The following XRCC4 variants were observed in gnomAD, a reference collection of about 807,000 sequenced individuals.
XRCC4 encodes the protein DNA repair protein XRCC4.
A neutral mutation model predicts 39.1 loss-of-function variants in XRCC4; 28 were observed. That is an observed-to-expected ratio of 0.72 (90% CI 0.53 to 0.98). The LOEUF (loss-of-function observed/expected upper bound fraction) is 0.98. XRCC4 is among the 50% of genes least tolerant of loss of function. The pLI is 0.00. For synonymous variants in XRCC4, 123 were observed against 126.4 expected (o/e 0.97, Z 0.18); for missense variants, 350 against 376.4 (o/e 0.93, Z 0.58).
At chr5:83,110,982 A>C (rs1351397772) in intron 2 of XRCC4, 46 bp from the exon 3 acceptor site, 1 of 1,530,232 alleles carries the variant, frequency 6.5e-7, no homozygotes, top group East Asian at 2.4e-5. Context: ...TCTCATGTGT[A>C]GTCATTTACT....
chr5:83,364,715 C>T, the XRCC4 span, among the ~76,000 whole-genome samples: 4 of 152,206 alleles, frequency 2.6e-5, no homozygotes, highest in African/African-American at 4.8e-5. Context: ...AAGAAAAACA[C>T]GGTTGAGTCT....
At chr5:83,254,852 C>T (rs1753470089) in intron 6 of XRCC4, among the ~76,000 whole-genome samples, 1 of 151,984 alleles carries the variant, frequency 6.6e-6, no homozygotes, top group Non-Finnish European at 1.5e-5. Context: ...TTTGGGAGGC[C>T]GAGGTGGGTA....
intron 7 of XRCC4, among the ~76,000 whole-genome samples, chr5:83,343,663 T>G (rs1024395420): frequency 6.6e-6 from 1 of 152,068 alleles, no homozygotes; most frequent in Non-Finnish European, 1.5e-5. Context: ...AGTCGTTCCT[T>G]TTTTGACTCA....
At chr5:83,181,273 T>C (rs563840673) in intron 3 of XRCC4, among the ~76,000 whole-genome samples, 3 of 152,256 alleles carry the variant, frequency 2.0e-5, no homozygotes, top group African/African-American at 7.2e-5. Flanking sequence ...TGTACTAATA[T>C]TGAGTATTTT....
chr5:83,113,884 C>T (rs138006852), intron 3 of XRCC4, among the ~76,000 whole-genome samples: 3 of 152,172 alleles, frequency 2.0e-5, no homozygotes, highest in African/African-American at 7.2e-5. Context: ...CCTCAGCCCC[C>T]CAAAGTGCTG....
At chr5:83,126,037 T>A (rs1220027338) in intron 3 of XRCC4, among the ~76,000 whole-genome samples, 2 of 151,646 alleles carry the variant, frequency 1.3e-5, no homozygotes, top group African/African-American at 4.8e-5. Flanking sequence ...TCCAACTTTA[T>A]TCTTTTGAAA....
intron 1 of XRCC4, among the ~76,000 whole-genome samples, chr5:83,081,355 C>T (rs1744933202): frequency 6.6e-6 from 1 of 152,160 alleles, no homozygotes; most frequent in Non-Finnish European, 1.5e-5. Flanking sequence ...CAGCTAGCCT[C>T]CCTAACCTCA....
the XRCC4 span, among the ~76,000 whole-genome samples, chr5:83,373,532 T>C: frequency 6.6e-6 from 1 of 152,206 alleles, no homozygotes; most frequent in Non-Finnish European, 1.5e-5. Flanking sequence ...ACTGAAATAC[T>C]TTCTAAAGTG....
At chr5:83,373,262 CGA>C in the XRCC4 span, among the ~76,000 whole-genome samples, 1 of 152,058 alleles carries the variant, frequency 6.6e-6, no homozygotes, top group Non-Finnish European at 1.5e-5. Flanking sequence ...CCTCATTTGT[CGA>C]GGTCCTTAGC....
At chr5:83,107,216 G>C (rs1246460446) in intron 2 of XRCC4, among the ~76,000 whole-genome samples, 1 of 151,840 alleles carries the variant, frequency 6.6e-6, no homozygotes, top group Non-Finnish European at 1.5e-5. Flanking sequence ...ACATATCAGG[G>C]ACAAAATAGG....
chr5:83,328,961 A>AG (rs767121776), intron 7 of XRCC4, among the ~76,000 whole-genome samples: 83 of 152,172 alleles, frequency 5.5e-4, no homozygotes, highest in African/African-American at 1.6e-3. Context: ...TTTCAGAGGT[A>AG]GGGTCTCATT....
chr5:83,326,844 C>G (rs1756278241), intron 7 of XRCC4, among the ~76,000 whole-genome samples: 3 of 152,054 alleles, frequency 2.0e-5, no homozygotes, highest in African/African-American at 7.2e-5. Flanking sequence ...ATTGCTTGTC[C>G]CCATTCCCAG....
At chr5:83,354,103 AC>A (rs1757161727), downstream of XRCC4, among the ~76,000 whole-genome samples, 1 of 152,204 alleles carries the variant, frequency 6.6e-6, no homozygotes, top group Non-Finnish European at 1.5e-5. Context: ...GTTAACCATG[AC>A]CACCATGTTG....
At position 83,274,976 on chromosome 5, in the gene XRCC4, A is replaced by T. The variant is rs1754273764; in HGVS notation, c.893+16299A>T. 2.0e-5 allele frequency among the ~76,000 whole-genome samples: 3 copies of T among 152,284 alleles called. 1 individual carries two copies. In the South Asian group the frequency reaches 6.2e-4, roughly 32 times the overall value. Reference sequence around the variant, plus strand: ...GGAGTTATCACTGTGTGGAAAATGGATTTGGAAGTAGGGAGCTTGTGATAA... The same window carrying T: ...GGAGTTATCACTGTGTGGAAAATGGTTTTGGAAGTAGGGAGCTTGTGATAA... On this transcript the variant is annotated intron_variant, in intron 7 of 7. Coordinates refer to ENST00000396027, the MANE Select transcript of XRCC4 (RefSeq NM_003401.5).
At chr5:83,211,812 A>G (rs917407486) in intron 6 of XRCC4, among the ~76,000 whole-genome samples, 10 of 152,226 alleles carry the variant, frequency 6.6e-5, no homozygotes, top group African/African-American at 2.4e-4. Context: ...CAAGAGAAAC[A>G]GATTTCATAC....
chr5:83,084,996 C>G (rs1267436651), intron 1 of XRCC4, among the ~76,000 whole-genome samples: 1 of 152,136 alleles, frequency 6.6e-6, no homozygotes, highest in Non-Finnish European at 1.5e-5. Flanking sequence ...ATTAAGTAAT[C>G]AAAAACAAAT....
chr5:83,288,516 T>C (rs901038998), intron 7 of XRCC4, among the ~76,000 whole-genome samples: 1 of 151,934 alleles, frequency 6.6e-6, no homozygotes, highest in African/African-American at 2.4e-5. Context: ...TGAAAAAGTC[T>C]TTATTTCTCC....
At chr5:83,122,135 T>C (rs1002235876) in intron 3 of XRCC4, among the ~76,000 whole-genome samples, 25 of 152,202 alleles carry the variant, frequency 1.6e-4, no homozygotes, top group Non-Finnish European at 2.9e-4. Flanking sequence ...AACTTTGTTA[T>C]TTTTGAATTT....
intron 6 of XRCC4, among the ~76,000 whole-genome samples, chr5:83,239,814 G>A (rs1029314172): frequency 6.6e-6 from 1 of 150,718 alleles, no homozygotes; most frequent in African/African-American, 2.5e-5. Flanking sequence ...GGGTGACAGA[G>A]CAAGACTCTG....
Sources: allele counts gnomAD v4.1 joint callset (sites outside exome capture counted in the v4.1 genomes callset), GRCh38; gene constraint gnomAD v4.1.1; transcripts MANE v1.5; gene names NCBI Gene and HGNC (gene_info 2026-07-23, HGNC 2026-07-21).